The following GPR39 variants were observed in gnomAD, a reference collection of about 807,000 sequenced individuals.
The protein encoded by GPR39 is G protein-coupled receptor 39.
Under a neutral mutation model 18.4 loss-of-function variants are expected in GPR39, and 23 were observed. The observed-to-expected ratio is 1.25, with a 90% confidence interval of 0.90 to 1.77. The LOEUF is 1.77. GPR39 is among the 40% of genes most tolerant of loss of function. The probability of loss-of-function intolerance (pLI) is 0.00; values close to 1 mark genes in which losing one functional copy is unlikely to be tolerated. For synonymous variants in GPR39, 280 were observed against 257.9 expected, an observed-to-expected ratio of 1.09 and a Z score of -0.82; for missense variants, 647 against 602.4, an observed-to-expected ratio of 1.07 and a Z score of -0.78.
chr2:132,479,679 A>G (rs989759336), intron 1 of GPR39, among the ~76,000 whole-genome samples: 2 of 152,244 alleles, frequency 1.3e-5, no homozygotes, highest in Admixed American at 1.3e-4. Context: ...TAGGATGGCT[A>G]CTATCAAAAA....
intron 1 of GPR39, among the ~76,000 whole-genome samples, chr2:132,524,840 T>C (rs1378374615): frequency 1.3e-5 from 2 of 152,224 alleles, no homozygotes; most frequent in African/African-American, 4.8e-5. Context: ...TGTTGTCACA[T>C]TTATTTTATT....
intron 1 of GPR39, among the ~76,000 whole-genome samples, chr2:132,549,164 C>A (rs1292374185): frequency 6.6e-6 from 1 of 152,102 alleles, no homozygotes; most frequent in Non-Finnish European, 1.5e-5. Context: ...TTCAATGGAG[C>A]CTGGATTGTC....
intron 1 of GPR39, among the ~76,000 whole-genome samples, chr2:132,589,560 G>A (rs72983688): frequency 6.6e-6 from 1 of 152,164 alleles, no homozygotes; most frequent in Non-Finnish European, 1.5e-5. Context: ...GAGATCTCCT[G>A]CATACTCGGG....
At chr2:132,575,161 A>G (rs1182254316) in intron 1 of GPR39, among the ~76,000 whole-genome samples, 1 of 152,092 alleles carries the variant, frequency 6.6e-6, no homozygotes, top group African/African-American at 2.4e-5. Context: ...TTATGATGCC[A>G]TGGTATTCTA....
intron 1 of GPR39, among the ~76,000 whole-genome samples, chr2:132,638,794 T>G (rs975303764): frequency 1.3e-5 from 2 of 152,270 alleles, no homozygotes; most frequent in Non-Finnish European, 2.9e-5. Flanking sequence ...AAATGTCAGT[T>G]GACAAGCAGA....
chr2:132,534,605 A>G (rs576249652), intron 1 of GPR39, among the ~76,000 whole-genome samples: 2,450 of 151,578 alleles, frequency 0.016, 77 homozygotes, highest in African/African-American at 0.055. Context: ...TCCAACAATG[A>G]TAGACTGGAT....
intron 1 of GPR39, among the ~76,000 whole-genome samples, chr2:132,570,227 C>G (rs1393873697): frequency 2.0e-5 from 3 of 152,060 alleles, no homozygotes; most frequent in Non-Finnish European, 4.4e-5. Flanking sequence ...TTCAACTGCC[C>G]TGCTCTCTGT....
chr2:132,497,888 C>T (rs918029656), intron 1 of GPR39, among the ~76,000 whole-genome samples: 1 of 152,066 alleles, frequency 6.6e-6, no homozygotes, highest in African/African-American at 2.4e-5. Context: ...GAATATATTA[C>T]CAAAGATTCC....
At chr2:132,450,130 G>A (rs1680606787) in intron 1 of GPR39, among the ~76,000 whole-genome samples, 1 of 152,210 alleles carries the variant, frequency 6.6e-6, no homozygotes. Context: ...GGCTCTGGCA[G>A]GTCAAGGAAG....
chr2:132,535,880 T>C (rs1679748399), intron 1 of GPR39, among the ~76,000 whole-genome samples: 2 of 151,926 alleles, frequency 1.3e-5, no homozygotes, highest in African/African-American at 4.8e-5. Context: ...TCTCTGCTGG[T>C]AGTTTGTATT....
chr2:132,575,460 A>G (rs7572175), intron 1 of GPR39, among the ~76,000 whole-genome samples: 8,048 of 152,262 alleles, frequency 0.053, 298 homozygotes, highest in Middle Eastern at 0.082. Flanking sequence ...GAATATTGCT[A>G]TTGATAGTTA....
At chr2:132,542,622 AC>A (rs1309085838) in intron 1 of GPR39, among the ~76,000 whole-genome samples, 3 of 152,200 alleles carry the variant, frequency 2.0e-5, no homozygotes, top group African/African-American at 7.2e-5. Flanking sequence ...ATTTGTTAAT[AC>A]AGGGACTGGT....
chr2:132,538,739 G>C (rs1273800035), intron 1 of GPR39, among the ~76,000 whole-genome samples: 2 of 152,208 alleles, frequency 1.3e-5, no homozygotes, highest in Non-Finnish European at 2.9e-5. Context: ...GGAGCTGCTG[G>C]ATTTGCTGCA....
At chr2:132,418,695 C>T (rs775467292) in intron 1 of GPR39, among the ~76,000 whole-genome samples, 2 of 152,158 alleles carry the variant, frequency 1.3e-5, no homozygotes, top group Non-Finnish European at 2.9e-5. Flanking sequence ...AAAAAGAGCC[C>T]ACAGGTCTGT....
At chr2:132,545,163 C>CT (rs1423783477) in intron 1 of GPR39, among the ~76,000 whole-genome samples, 1 of 152,234 alleles carries the variant, frequency 6.6e-6, no homozygotes, top group Non-Finnish European at 1.5e-5. Flanking sequence ...CCTCCTGCCA[C>CT]TATCACCCTC....
intron 1 of GPR39, among the ~76,000 whole-genome samples, chr2:132,440,788 A>C (rs917475100): frequency 1.3e-5 from 2 of 152,294 alleles, no homozygotes; most frequent in East Asian, 3.9e-4. Flanking sequence ...GTCATGAAAA[A>C]AAGTCAAAAG....
At chr2:132,470,411 C>T (rs1405232743) in intron 1 of GPR39, among the ~76,000 whole-genome samples, 1 of 152,032 alleles carries the variant, frequency 6.6e-6, no homozygotes, top group Non-Finnish European at 1.5e-5. Flanking sequence ...AAGACTGTTC[C>T]AGGCTGAGGG....
intron 1 of GPR39, among the ~76,000 whole-genome samples, chr2:132,567,699 C>A (rs560302565): frequency 1.3e-5 from 2 of 152,334 alleles, no homozygotes; most frequent in South Asian, 4.1e-4. Flanking sequence ...GACCCTGCAG[C>A]AGATGGTGAA....
At chr2:132,582,060 G>T (rs1159031335) in intron 1 of GPR39, among the ~76,000 whole-genome samples, 1 of 152,222 alleles carries the variant, frequency 6.6e-6, no homozygotes, top group African/African-American at 2.4e-5. Flanking sequence ...CTCTGAGGGG[G>T]TGATTAAGTG....
Sources: allele counts gnomAD v4.1 joint callset (sites outside exome capture counted in the v4.1 genomes callset), GRCh38; gene constraint gnomAD v4.1.1; transcripts MANE v1.5; gene names NCBI Gene and HGNC (gene_info 2026-07-23, HGNC 2026-07-21).